Variants in METTL24 observed in about 807,000 individuals in gnomAD.
METTL24 encodes the protein methyltransferase like 24, also known as probable methyltransferase-like protein 24.
METTL24 carries 29 observed loss-of-function variants against 32.7 expected under a neutral mutation model. That is an observed-to-expected ratio of 0.89 (90% confidence interval 0.66 to 1.21). The LOEUF is 1.21. Among genes scored for constraint, METTL24 ranks in the 50% most tolerant of loss-of-function variants. The pLI, the probability that METTL24 is intolerant of heterozygous loss-of-function variation, is 0.00. For missense variants in METTL24, 439 were observed against 468.1 expected, an observed-to-expected ratio of 0.94 and a Z score of 0.57; for synonymous variants, 163 against 179.5, an observed-to-expected ratio of 0.91 and a Z score of 0.73.
At chr6:110,323,572 G>A (rs949847087) in intron 1 of METTL24, among the ~76,000 whole-genome samples, 8 of 152,292 alleles carry the variant, frequency 5.3e-5, no homozygotes, top group Non-Finnish European at 8.8e-5. Context: ...TGAAGGGTTG[G>A]GGGAATGCAA....
intron 1 of METTL24, among the ~76,000 whole-genome samples, chr6:110,345,177 A>T (rs1378472708): frequency 6.6e-6 from 1 of 152,244 alleles, no homozygotes; most frequent in East Asian, 1.9e-4. Context: ...TGAAAAAAAA[A>T]TCTCAATATT....
chr6:110,354,903 A>G (rs533463924), intron 1 of METTL24, among the ~76,000 whole-genome samples: 2 of 152,266 alleles, frequency 1.3e-5, no homozygotes, highest in Admixed American at 6.5e-5. Context: ...TTACCTTAGG[A>G]GACTAAAAAC....
chr6:110,253,796 C>A, intron 4 of METTL24: 1 of 1,012,320 alleles, frequency 9.9e-7, no homozygotes, highest in Non-Finnish European at 1.3e-6. Context: ...TGAAATTATC[C>A]TATGTTTTCA....
intron 4 of METTL24, among the ~76,000 whole-genome samples, chr6:110,291,408 A>T (rs1346449310): frequency 6.6e-6 from 1 of 152,118 alleles, no homozygotes; most frequent in East Asian, 1.9e-4. Context: ...CTTTTTTCCC[A>T]TACAGATAAC....
At chr6:110,286,278 G>C (rs1045370179) in intron 4 of METTL24, among the ~76,000 whole-genome samples, 1 of 152,114 alleles carries the variant, frequency 6.6e-6, no homozygotes, top group Non-Finnish European at 1.5e-5. Context: ...AGCCATTTAA[G>C]TCCTTTCTAC....
intron 4 of METTL24, among the ~76,000 whole-genome samples, chr6:110,282,843 T>A (rs1771162261): frequency 6.6e-6 from 1 of 152,212 alleles, no homozygotes; most frequent in Admixed American, 6.5e-5. Context: ...GCCAGCCTCT[T>A]TCTTTGCCTG....
At chr6:110,257,553 T>A (rs560099543) in intron 4 of METTL24, among the ~76,000 whole-genome samples, 108 of 152,258 alleles carry the variant, frequency 7.1e-4, no homozygotes, top group African/African-American at 2.5e-3. Context: ...ACTCAGAGGA[T>A]CACACACAGC....
intron 3 of METTL24, among the ~76,000 whole-genome samples, chr6:110,300,390 C>G (rs115064975): frequency 0.024 from 3,546 of 145,892 alleles, 149 homozygotes; most frequent in African/African-American, 0.086. Flanking sequence ...CTAAAATAAG[C>G]CTTCAGTTCA....
intron 1 of METTL24, among the ~76,000 whole-genome samples, chr6:110,342,230 A>G (rs1772373258): frequency 1.3e-5 from 2 of 152,156 alleles, no homozygotes; most frequent in African/African-American, 4.8e-5. Flanking sequence ...GCAAGCTCCT[A>G]TGTTTCTAAT....
At chr6:110,285,523 C>A (rs1489806019) in intron 4 of METTL24, among the ~76,000 whole-genome samples, 1 of 152,152 alleles carries the variant, frequency 6.6e-6, no homozygotes, top group Non-Finnish European at 1.5e-5. Flanking sequence ...GCAGAAATGG[C>A]CAGCATGGGT....
chr6:110,330,632 C>T (rs1772096157), intron 1 of METTL24, among the ~76,000 whole-genome samples: 1 of 152,144 alleles, frequency 6.6e-6, no homozygotes, highest in South Asian at 2.1e-4. Context: ...GACAGACAGA[C>T]CTCTGCCCAA....
chr6:110,332,626 G>A (rs897743220), intron 1 of METTL24: 8 of 279,468 alleles, frequency 2.9e-5, no homozygotes, highest in South Asian at 1.4e-4. Context: ...AGAATGTTTC[G>A]GCCAGGCACG....
intron 1 of METTL24, among the ~76,000 whole-genome samples, chr6:110,330,603 T>C (rs947123533): frequency 7.2e-5 from 11 of 152,106 alleles, no homozygotes; most frequent in Admixed American, 7.2e-4. Flanking sequence ...AGCTAATAGA[T>C]GGACCTCTGG....
intron 4 of METTL24, among the ~76,000 whole-genome samples, chr6:110,285,107 T>G (rs1318099133): frequency 1.3e-5 from 2 of 152,238 alleles, no homozygotes; most frequent in African/African-American, 4.8e-5. Context: ...GCTTGTCACA[T>G]GGGTGGTTTT....
intron 3 of METTL24, among the ~76,000 whole-genome samples, chr6:110,313,261 T>C (rs1245187669): frequency 6.6e-6 from 1 of 152,248 alleles, no homozygotes; most frequent in Non-Finnish European, 1.5e-5. Context: ...ACATGATCAA[T>C]GCTGGAGGTG....
At chr6:110,294,067 C>T (rs1771367243) in intron 4 of METTL24, among the ~76,000 whole-genome samples, 1 of 151,994 alleles carries the variant, frequency 6.6e-6, no homozygotes, top group Non-Finnish European at 1.5e-5. Context: ...ATGGATTAAA[C>T]TCACATACAC....
intron 4 of METTL24, among the ~76,000 whole-genome samples, chr6:110,260,166 C>T (rs150124087): frequency 9.2e-5 from 14 of 152,220 alleles, no homozygotes; most frequent in East Asian, 3.9e-4. Flanking sequence ...CAAACTTCTC[C>T]GAACTAAAGG....
chr6:110,266,987 T>C (rs1011592965), intron 4 of METTL24, among the ~76,000 whole-genome samples: 4 of 152,206 alleles, frequency 2.6e-5, no homozygotes, highest in Admixed American at 6.5e-5. Flanking sequence ...TAAGTTATAA[T>C]TGGGGCAGAT....
intron 4 of METTL24, among the ~76,000 whole-genome samples, chr6:110,255,613 C>G (rs1438769152): frequency 6.6e-6 from 1 of 152,164 alleles, no homozygotes; most frequent in Non-Finnish European, 1.5e-5. Context: ...TACCCTACTT[C>G]CCTGGGCAGC....
Sources: allele counts gnomAD v4.1 joint callset (sites outside exome capture counted in the v4.1 genomes callset), GRCh38; gene constraint gnomAD v4.1.1; transcripts MANE v1.5; gene names NCBI Gene and HGNC (gene_info 2026-07-23, HGNC 2026-07-21).